AGBL4: variants seen among roughly 807,000 people sequenced by gnomAD.
The protein encoded by AGBL4 is AGBL carboxypeptidase 4.
A neutral mutation model predicts 66.4 loss-of-function variants in AGBL4; 58 were observed. That is an observed-to-expected ratio of 0.87 (90% confidence interval 0.71 to 1.09). AGBL4 has a LOEUF of 1.09. Ranked by LOEUF, AGBL4 falls within the 50% of genes least tolerant of loss-of-function variation. AGBL4 has a pLI of 0.00. For synonymous variants in AGBL4, 234 were observed against 222.9 expected, an observed-to-expected ratio of 1.05 and a Z score of -0.44; for missense variants, 579 against 631.0, an observed-to-expected ratio of 0.92 and a Z score of 0.88.
chr1:48,523,505 G>T, the AGBL4 span, among the ~76,000 whole-genome samples: 1 of 152,162 alleles, frequency 6.6e-6, no homozygotes, highest in Non-Finnish European at 1.5e-5. Context: ...GCTGAATTAG[G>T]CTTAAATCCA....
At chr1:49,556,868 G>A (rs1261251979) in intron 3 of AGBL4, among the ~76,000 whole-genome samples, 2 of 152,140 alleles carry the variant, frequency 1.3e-5, no homozygotes, top group African/African-American at 4.8e-5. Context: ...GCTGAGGCCT[G>A]ACGAGAATTC....
At chr1:49,932,486 A>T (rs1219015962) in intron 1 of AGBL4, among the ~76,000 whole-genome samples, 1 of 152,160 alleles carries the variant, frequency 6.6e-6, no homozygotes, top group Non-Finnish European at 1.5e-5. Flanking sequence ...AGTAAGATCA[A>T]TAAAAGAAAT....
At chr1:48,897,806 C>CT (rs55889870) in intron 5 of AGBL4, among the ~76,000 whole-genome samples, 20,469 of 127,328 alleles carry the variant, frequency 0.16, 1,922 homozygotes, top group East Asian at 0.39. Flanking sequence ...CTTTTGCCCA[C>CT]TTTTTTTTTT....
intron 3 of AGBL4, among the ~76,000 whole-genome samples, chr1:49,350,060 G>A (rs1192963042): frequency 6.6e-6 from 1 of 152,140 alleles, no homozygotes; most frequent in African/African-American, 2.4e-5. Flanking sequence ...TGTTATAGCA[G>A]CTCTAGCAAA....
chr1:48,718,581 A>G (rs1438071896), intron 6 of AGBL4, among the ~76,000 whole-genome samples: 1 of 152,190 alleles, frequency 6.6e-6, no homozygotes, highest in African/African-American at 2.4e-5. Context: ...AAAAGAATGT[A>G]TCAGGGGCTG....
At chr1:48,738,370 G>C (rs987981296) in intron 6 of AGBL4, among the ~76,000 whole-genome samples, 1 of 152,184 alleles carries the variant, frequency 6.6e-6, no homozygotes, top group Non-Finnish European at 1.5e-5. Flanking sequence ...CTGTTCATCC[G>C]CTCAGGAAAG....
At chr1:48,966,521 T>A (rs944756840) in intron 5 of AGBL4, among the ~76,000 whole-genome samples, 1 of 151,938 alleles carries the variant, frequency 6.6e-6, no homozygotes, top group East Asian at 1.9e-4. Flanking sequence ...CTTAAGGGGG[T>A]CATTTGCAGA....
At chr1:49,951,258 A>G (rs12047155) in intron 1 of AGBL4, among the ~76,000 whole-genome samples, 63,628 of 151,726 alleles carry the variant, frequency 0.42, 15,822 homozygotes, top group Non-Finnish European at 0.56. Flanking sequence ...ATGTGATATA[A>G]TGGATACTGT....
intron 3 of AGBL4, among the ~76,000 whole-genome samples, chr1:49,634,428 C>T (rs1286088599): frequency 6.6e-6 from 1 of 152,092 alleles, no homozygotes; most frequent in African/African-American, 2.4e-5. Flanking sequence ...ATTCCATAGT[C>T]TATATATGCC....
intron 6 of AGBL4, among the ~76,000 whole-genome samples, chr1:48,708,752 A>G (rs979323674): frequency 3.3e-5 from 5 of 152,196 alleles, no homozygotes; most frequent in Admixed American, 6.5e-5. Context: ...CTGAGAGGTA[A>G]CCTGCCACCA....
intron 3 of AGBL4, among the ~76,000 whole-genome samples, chr1:49,382,822 G>A (rs1422784808): frequency 6.6e-6 from 1 of 152,126 alleles, no homozygotes; most frequent in African/African-American, 2.4e-5. Context: ...CAAAGTTGCA[G>A]ATACAAAATC....
intron 6 of AGBL4, among the ~76,000 whole-genome samples, chr1:48,791,848 G>C (rs1253929786): frequency 6.6e-6 from 1 of 152,122 alleles, no homozygotes; most frequent in Non-Finnish European, 1.5e-5. Context: ...ATGGGTTTAT[G>C]GTCAATCATT....
At position 49,777,761 on chromosome 1, in the gene AGBL4, G is replaced by A. The variant is rs543961722; in HGVS notation, c.157+73635C>T. On this transcript the variant is annotated intron_variant, in intron 2 of 13. Coordinates refer to ENST00000371839, the MANE Select transcript of AGBL4 (RefSeq NM_032785.4). ...CTTTGTAGGGAAGAGGAAGGATTCC[G>A]GGAATGGTGGTATGTGGATATTAGT... Among the ~76,000 whole-genome samples, 23 of 152,254 alleles carry A rather than the reference G, an allele frequency of 1.5e-4. No homozygotes were observed. In the South Asian group the frequency reaches 4.4e-3, roughly 29 times the overall value.
chr1:49,777,114 T>C (rs1437523848), intron 2 of AGBL4, among the ~76,000 whole-genome samples: 1 of 152,164 alleles, frequency 6.6e-6, no homozygotes, highest in Non-Finnish European at 1.5e-5. Flanking sequence ...TTAGAGATTG[T>C]AGGGTGAAAG....
chr1:49,425,902 G>T (rs954930638), intron 3 of AGBL4, among the ~76,000 whole-genome samples: 4 of 152,170 alleles, frequency 2.6e-5, no homozygotes, highest in Non-Finnish European at 5.9e-5. Context: ...TTGCTCATCT[G>T]TTCCTTGTCA....
At chr1:49,550,402 G>C (rs1389505045) in intron 3 of AGBL4, among the ~76,000 whole-genome samples, 3 of 152,126 alleles carry the variant, frequency 2.0e-5, no homozygotes, top group African/African-American at 7.2e-5. Flanking sequence ...AGTCCTGTGT[G>C]ATTTATGCTT....
chr1:49,468,840 A>G (rs1646682804), intron 3 of AGBL4, among the ~76,000 whole-genome samples: 1 of 151,866 alleles, frequency 6.6e-6, no homozygotes, highest in African/African-American at 2.4e-5. Flanking sequence ...ATGTGTATAT[A>G]AAAATGTTGA....
chr1:49,537,561 C>A (rs137878568), intron 3 of AGBL4, among the ~76,000 whole-genome samples: 3,257 of 152,264 alleles, frequency 0.021, 129 homozygotes, highest in African/African-American at 0.074. Flanking sequence ...TGTTCAACAT[C>A]ACTAATCATC....
chr1:49,386,264 G>C (rs1301680070), intron 3 of AGBL4, among the ~76,000 whole-genome samples: 1 of 102,656 alleles, frequency 9.7e-6, no homozygotes, highest in Non-Finnish European at 2.3e-5. Context: ...TGGATGGATG[G>C]ATGTGTGTGT....
Sources: allele counts gnomAD v4.1 joint callset (sites outside exome capture counted in the v4.1 genomes callset), GRCh38; gene constraint gnomAD v4.1.1; transcripts MANE v1.5; gene names NCBI Gene and HGNC (gene_info 2026-07-23, HGNC 2026-07-21).